Variants in CYFIP1 observed in about 807,000 individuals in gnomAD.
The protein encoded by CYFIP1 is cytoplasmic FMR1-interacting protein 1.
In CYFIP1, 58 loss-of-function variants were observed where a neutral mutation model predicts 163.5. That is an observed-to-expected ratio of 0.35 (90% CI 0.29 to 0.44). The LOEUF (loss-of-function observed/expected upper bound fraction) is 0.44, where lower values mean the gene tolerates loss of function less well. Among genes scored for constraint, CYFIP1 ranks in the 20% least tolerant of loss-of-function variants. The probability of loss-of-function intolerance (pLI) is 1.00; values close to 1 mark genes in which losing one functional copy is unlikely to be tolerated. For synonymous variants in CYFIP1, 663 were observed against 660.7 expected, an observed-to-expected ratio of 1.00 and a Z score of -0.05; for missense variants, 1,338 against 1,653.8, an observed-to-expected ratio of 0.81 and a Z score of 3.31.
At chr15:22,977,294 A>C (rs931092680) in intron 1 of CYFIP1, among the ~76,000 whole-genome samples, 3 of 152,090 alleles carry the variant, frequency 2.0e-5, no homozygotes. Context: ...TAGCTTTTTC[A>C]TAGATTCCCT....
At chr15:22,966,216 T>C (rs1595724728) in intron 1 of CYFIP1, among the ~76,000 whole-genome samples, 1 of 150,550 alleles carries the variant, frequency 6.6e-6, no homozygotes, top group African/African-American at 2.4e-5. Flanking sequence ...TAGCCAGGCG[T>C]GGTGGCGTGG....
At chr15:22,896,509 T>C (rs1241540284) in intron 22 of CYFIP1, among the ~76,000 whole-genome samples, 6 of 152,142 alleles carry the variant, frequency 3.9e-5, no homozygotes, top group Admixed American at 3.9e-4. Flanking sequence ...CCCTTCTCGT[T>C]TTTTTCATCA....
At chr15:22,873,868 T>C in intron 28 of CYFIP1, 139 bp from the exon 29 acceptor site, 1 of 769,832 alleles carries the variant, frequency 1.3e-6, no homozygotes, top group Non-Finnish European at 2.2e-6. Flanking sequence ...CACAGCTCGC[T>C]GCAGCCTTGA....
intron 1 of CYFIP1, among the ~76,000 whole-genome samples, chr15:22,970,125 A>G (rs1263611344): frequency 6.6e-6 from 1 of 152,218 alleles, no homozygotes; most frequent in East Asian, 1.9e-4. Context: ...AAGGAAATTA[A>G]TTCCATGTAC....
chr15:22,949,135 AC>A (rs1239548061), intron 1 of CYFIP1, among the ~76,000 whole-genome samples: 11 of 152,352 alleles, frequency 7.2e-5, no homozygotes, highest in Admixed American at 2.6e-4. Context: ...ACTGCTGAAC[AC>A]TAAAGATAAA....
chr15:22,925,848 T>C, intron 13 of CYFIP1, 134 bp downstream of exon 13: 3 of 1,315,584 alleles, frequency 2.3e-6, no homozygotes, highest in Admixed American at 2.1e-5. Context: ...CTGACTACTC[T>C]GCCAGATGGA....
At chr15:22,939,544 A>C (rs1567002839) in intron 6 of CYFIP1, 37 bp from the exon 7 acceptor site, 7 of 900,768 alleles carry the variant, frequency 7.8e-6, no homozygotes, top group Non-Finnish European at 1.0e-5. Context: ...AAAATGCACC[A>C]ACGTGCCACA....
intron 20 of CYFIP1, 51 bp downstream of exon 20, chr15:22,910,469 G>A: frequency 6.6e-7 from 1 of 1,508,248 alleles, no homozygotes. Context: ...CGAAAACCCA[G>A]TCTTTTCAAT....
At chr15:22,890,939 T>C (rs529495009) in intron 23 of CYFIP1, among the ~76,000 whole-genome samples, 2 of 152,260 alleles carry the variant, frequency 1.3e-5, no homozygotes, top group African/African-American at 2.4e-5. Flanking sequence ...CTGGCCCTCA[T>C]GTGTCAGCGA....
At chr15:22,879,049 T>C (rs2059670406) in intron 26 of CYFIP1, among the ~76,000 whole-genome samples, 1 of 149,784 alleles carries the variant, frequency 6.7e-6, no homozygotes, top group South Asian at 2.1e-4. Context: ...GGCAGGAGAA[T>C]GGCGTGAACC....
At chr15:22,925,857 G>A in intron 13 of CYFIP1, 125 bp downstream of exon 13, 2 of 1,393,324 alleles carry the variant, frequency 1.4e-6, no homozygotes, top group Non-Finnish European at 2.0e-6. Context: ...CTGCCAGATG[G>A]AAAGGGGTGC....
intron 12 of CYFIP1, 128 bp from the exon 13 acceptor site, chr15:22,926,235 C>G: frequency 2.2e-6 from 3 of 1,342,420 alleles, no homozygotes; most frequent in Non-Finnish European, 3.1e-6. Context: ...GAAAGTCACA[C>G]ATGAGGGCGC....
chr15:22,898,813 C>T (rs2060309407), intron 22 of CYFIP1, among the ~76,000 whole-genome samples: 1 of 151,962 alleles, frequency 6.6e-6, no homozygotes. Context: ...ACCATCCTGG[C>T]TAAAATGGTG....
rs1045960702 is a variant in CYFIP1, at chr15:22,963,568, A to G, written c.-6-16277T>C. On this transcript the variant is annotated intron_variant, in intron 1 of 30. Coordinates refer to ENST00000617928, the MANE Select transcript of CYFIP1 (RefSeq NM_014608.6). ...ACATAACATAACATAAGAAAGAATGAAATATCCCCCTGAAAACTTTTTGTG... is the reference window on the plus strand; with the variant it reads ...ACATAACATAACATAAGAAAGAATGGAATATCCCCCTGAAAACTTTTTGTG... Among the ~76,000 whole-genome samples the G allele has an allele frequency of 4.2e-5, 6 of 141,392 alleles. No homozygotes were observed. The East Asian group carries it at 1.2e-3, about 28-fold the overall frequency. The allele number at this position is 141,392 out of a possible 152,430, so 92.8% of individuals were successfully genotyped here.
intron 21 of CYFIP1, chr15:22,904,121 T>C: frequency 1.7e-6 from 1 of 598,012 alleles, no homozygotes; most frequent in East Asian, 2.8e-5. Context: ...TCCACTGCAG[T>C]CACCTCCACG....
In CYFIP1 at chr15:22,903,812, C is replaced by T. The variant is rs776813608; in HGVS notation, c.2482G>A (p.Ala828Thr). The change falls in exon 22 of 31, where the codon GCC becomes ACC. Residue 828 changes from alanine to threonine, a missense_variant. Ala to Thr is a moderately conservative substitution (Grantham distance 58, BLOSUM62 0). Around this residue, in one of 4 missense-constraint regions of CYFIP1, gnomAD observed 824 missense variants for 995.7 expected, o/e 0.83. Coordinates refer to ENST00000617928, the MANE Select transcript of CYFIP1 (RefSeq NM_014608.6). Reference sequence around the variant, plus strand: ...TAGGGCGCTGACACGTTGTGGTTGGCCTCCCGGAACATGGCGTCGAAGCCG... The same window carrying T: ...TAGGGCGCTGACACGTTGTGGTTGGTCTCCCGGAACATGGCGTCGAAGCCG... The part of the protein sequence containing the change: ...LDGFDAMFRE[A>T]NHNVSAPYGR... The T allele has an allele frequency of 3.7e-6, 6 of 1,614,080 alleles. No individual in the cohort carries two copies. Among genetic ancestry groups the T allele is most frequent in the Middle Eastern group, 1.6e-4 (1 of 6,084 alleles).
At chr15:22,933,679 CATT>C in intron 10 of CYFIP1, 120 bp downstream of exon 10, 1 of 698,232 alleles carries the variant, frequency 1.4e-6, no homozygotes, top group Non-Finnish European at 2.5e-6. Context: ...CAATACTGGA[CATT>C]TAATTCCAGG....
At chr15:22,927,171 C>CA (rs942738236) in intron 12 of CYFIP1, among the ~76,000 whole-genome samples, 10 of 151,322 alleles carry the variant, frequency 6.6e-5, no homozygotes, top group Admixed American at 3.9e-4. Context: ...ACTGTCTGTA[C>CA]AAAAAAAACC....
chr15:22,923,334 C>T (rs553980168), intron 13 of CYFIP1, among the ~76,000 whole-genome samples: 4 of 152,258 alleles, frequency 2.6e-5, no homozygotes, highest in South Asian at 2.1e-4. Context: ...ATAATGCACA[C>T]AAATGGCCAA....
Sources: gnomAD v4.1 joint callset for allele counts (sites outside exome capture counted in the v4.1 genomes callset) on GRCh38, gnomAD v4.1.1 for gene constraint, gnomAD v4.1.1 regional missense constraint, MANE v1.5 for transcripts, NCBI Gene and HGNC (gene_info 2026-07-23, HGNC 2026-07-21) for gene names.